NTN1: variants seen among roughly 807,000 people sequenced by gnomAD.
The protein encoded by NTN1 is netrin 1.
A neutral mutation model predicts 54.2 loss-of-function variants in NTN1; 11 were observed. The ratio of observed to expected loss-of-function variants is 0.20; its 90% CI spans 0.13 to 0.34. The LOEUF is 0.34. Among genes scored for constraint, NTN1 ranks in the 10% least tolerant of loss-of-function variants. NTN1 has a pLI of 1.00. For missense variants in NTN1, 740 were observed against 893.1 expected (o/e 0.83, Z 2.18); for synonymous variants, 371 against 382.0 (o/e 0.97, Z 0.33).
At chr17:9,160,297 G>T (rs2092353581) in intron 2 of NTN1, among the ~76,000 whole-genome samples, 1 of 152,012 alleles carries the variant, frequency 6.6e-6, no homozygotes, top group Admixed American at 6.6e-5. Flanking sequence ...TAGAGACGGG[G>T]TTTCACCATA....
At chr17:9,140,233 C>T (rs946073260) in intron 2 of NTN1, among the ~76,000 whole-genome samples, 4 of 151,982 alleles carry the variant, frequency 2.6e-5, no homozygotes, top group African/African-American at 9.7e-5. Context: ...CTCTGGGCCA[C>T]CAGGAAAGGT....
At chr17:9,088,548 G>A (rs529053927) in intron 2 of NTN1, among the ~76,000 whole-genome samples, 6 of 152,258 alleles carry the variant, frequency 3.9e-5, no homozygotes, top group East Asian at 1.9e-4. Context: ...TGCCACAGAC[G>A]GATGGGTGGA....
intron 2 of NTN1, among the ~76,000 whole-genome samples, chr17:9,109,700 C>T (rs1273282137): frequency 6.6e-6 from 1 of 152,078 alleles, no homozygotes; most frequent in African/African-American, 2.4e-5. Flanking sequence ...AATTGCTTTC[C>T]GAGGTGATTG....
chr17:9,063,640 C>T (rs994641547), intron 2 of NTN1, among the ~76,000 whole-genome samples: 7 of 152,024 alleles, frequency 4.6e-5, no homozygotes, highest in African/African-American at 7.2e-5. Context: ...CTCTGCCTCC[C>T]GGGTTCATGC....
chr17:9,239,985 G>GCCCGCCCGCCCGCCCGCCCGCT lies in NTN1; in HGVS notation c.*17_*18insCCCGCCCGCCCGCCCGCCCGCT. ...AAGGCCTAGCGCCGAGGCAGCGGGCGGGCGGGCGGGCGGGCGCCAGGGCGG... is the reference window on the plus strand; with the variant it reads ...AAGGCCTAGCGCCGAGGCAGCGGGCGCCCGCCCGCCCGCCCGCCCGCTGGCGGGCGGGCGGGCGCCAGGGCGG... On this transcript the variant is annotated 3_prime_UTR_variant, in exon 7 of 7. Coordinates refer to ENST00000173229, the MANE Select transcript of NTN1 (RefSeq NM_004822.3). This position sits in a 1 kb window ranked among gnomAD's most constrained non-coding sequence, Gnocchi z 5.2. 2 of 1,288,488 alleles carry GCCCGCCCGCCCGCCCGCCCGCT rather than the reference G, an allele frequency of 1.6e-6. No individual in the cohort carries two copies. The highest frequency in any genetic ancestry group is 2.0e-6 in the Non-Finnish European group (2 of 1,004,106). The allele number at this position is 1,288,488 out of a possible 1,614,324, so 79.8% of individuals were successfully genotyped here. A position where few individuals can be genotyped will look rare whatever the true frequency, so the allele number is the denominator to read the frequency against.
chr17:9,171,521 G>T (rs2092387096), intron 3 of NTN1: 1 of 152,242 alleles, frequency 6.6e-6, no homozygotes, highest in Non-Finnish European at 1.5e-5. Context: ...AGAAGAAAAA[G>T]GAAGATAATG....
At chr17:9,050,261 A>T (rs1465080550) in intron 2 of NTN1, among the ~76,000 whole-genome samples, 2 of 151,618 alleles carry the variant, frequency 1.3e-5, no homozygotes, top group Non-Finnish European at 2.9e-5. Context: ...AAATAAAAAA[A>T]AATAAAAATA....
chr17:9,101,308 TC>T (rs1439389903), intron 2 of NTN1, among the ~76,000 whole-genome samples: 5 of 150,594 alleles, frequency 3.3e-5, no homozygotes, highest in Non-Finnish European at 5.9e-5. Context: ...GGGAGTTGAT[TC>T]GTGAGACTCT....
In NTN1 at chr17:9,032,610, T is replaced by C. The variant is rs76720573; in HGVS notation, c.1018+9219T>C. 2.0e-4 allele frequency among the ~76,000 whole-genome samples: 30 copies of C among 152,306 alleles called. No homozygotes were observed. The East Asian group carries it at 5.6e-3, about 28-fold the overall frequency. ...TGGTGCAGAAAGTGCCGAACAAGAA[T>C]AGTTCCAATCCCAGCATGAAAAAGA... is the stretch of plus-strand genomic sequence containing the variant. On this transcript the variant is annotated intron_variant, in intron 2 of 6. Transcript: ENST00000173229.
At chr17:9,117,168 G>A (rs1055123453) in intron 2 of NTN1, among the ~76,000 whole-genome samples, 9 of 152,184 alleles carry the variant, frequency 5.9e-5, no homozygotes, top group African/African-American at 9.7e-5. Context: ...AGGAAACAGC[G>A]CGTGAATAGA....
At chr17:9,213,385 C>T (rs1905152817) in intron 5 of NTN1, among the ~76,000 whole-genome samples, 1 of 152,230 alleles carries the variant, frequency 6.6e-6, no homozygotes, top group East Asian at 1.9e-4. Flanking sequence ...ATCCTAGCTC[C>T]AGAGGCTCCC....
intron 5 of NTN1, among the ~76,000 whole-genome samples, chr17:9,203,324 C>T (rs1003322800): frequency 6.6e-6 from 1 of 152,168 alleles, no homozygotes; most frequent in Non-Finnish European, 1.5e-5. Context: ...CTGTTTGAAC[C>T]TCTTACTGCC....
chr17:9,198,629 C>T (rs774083472), intron 5 of NTN1, among the ~76,000 whole-genome samples: 2 of 152,128 alleles, frequency 1.3e-5, no homozygotes, highest in Non-Finnish European at 2.9e-5. Context: ...CTCTGAGGTC[C>T]CATGTCCTCC....
rs367619515 is a variant in NTN1, at chr17:9,221,113, A to G, written c.1412-55A>G. 11 of 1,134,020 alleles carry G rather than the reference A, an allele frequency of 9.7e-6. No homozygotes were observed. The highest frequency in any genetic ancestry group is 6.2e-5 in the African/African-American group (4 of 64,392). The allele number at this position is 1,134,020 out of a possible 1,614,324, so 70.2% of individuals were successfully genotyped here. ...GGCCTCCTACTCTGCCCGCCAGCCT[A>G]TTCATCGCCAGCCTAATTAGTTTTT... On this transcript the variant is annotated intron_variant, in intron 5 of 6. Coordinates refer to ENST00000173229, the MANE Select transcript of NTN1 (RefSeq NM_004822.3). The surrounding 1 kb of genome is among the most constrained non-coding windows in gnomAD (Gnocchi z 4.5).
At chr17:9,048,435 G>A (rs1051941161) in intron 2 of NTN1, among the ~76,000 whole-genome samples, 1 of 152,078 alleles carries the variant, frequency 6.6e-6, no homozygotes, top group African/African-American at 2.4e-5. Flanking sequence ...TAGGGCACAG[G>A]CAGAGTGGTT....
At position 9,241,519 on chromosome 17, in the gene NTN1, G is replaced by C. The variant is rs953687913; in HGVS notation, c.*1551G>C. On this transcript the variant is annotated 3_prime_UTR_variant, in exon 7 of 7. Transcript: ENST00000173229. The stretch of plus-strand genomic sequence containing the variant: ...CCCACATCCTCACACCCGGCGCACT[G>C]AATTAAGAGGCCTGGCTCCCCTCAC... The C allele has an allele frequency of 6.6e-6, 1 of 152,588 alleles. No homozygotes were observed. The highest frequency in any genetic ancestry group is 1.9e-4 in the East Asian group (1 of 5,196). 9.5% of individuals were successfully genotyped at this position (152,588 alleles called of 1,614,324 possible). A position where few individuals can be genotyped will look rare whatever the true frequency, so the allele number is the denominator to read the frequency against.
At chr17:9,231,300 G>T (rs1170090660) in intron 6 of NTN1, among the ~76,000 whole-genome samples, 1 of 152,106 alleles carries the variant, frequency 6.6e-6, no homozygotes, top group African/African-American at 2.4e-5. Flanking sequence ...GTACCCGGGG[G>T]GGGACCCCAG....
At chr17:9,074,347 C>G (rs547655777) in intron 2 of NTN1, among the ~76,000 whole-genome samples, 2 of 152,210 alleles carry the variant, frequency 1.3e-5, no homozygotes, top group Non-Finnish European at 2.9e-5. Context: ...TCTCTCTGCG[C>G]GTGGCCTTGG....
chr17:9,243,167 T>C lies in NTN1; in HGVS notation c.*3199T>C, dbSNP rs1460161454. ...AGGGCTGTCCCCGGGATTCACCTGC[T>C]GGCTGTGGTCTCTGCCCACTGCTTC... On this transcript the variant is annotated 3_prime_UTR_variant, in exon 7 of 7. Coordinates refer to ENST00000173229, the MANE Select transcript of NTN1 (RefSeq NM_004822.3). The C allele has an allele frequency of 6.6e-6, 1 of 152,202 alleles. No individual in the cohort carries two copies. Among genetic ancestry groups the C allele is most frequent in the Admixed American group, 6.5e-5 (1 of 15,288 alleles). The allele number at this position is 152,202 out of a possible 1,614,324, so 9.4% of individuals were successfully genotyped here.
Sources: allele counts gnomAD v4.1 joint callset (sites outside exome capture counted in the v4.1 genomes callset), GRCh38; gene constraint gnomAD v4.1.1; non-coding constraint Gnocchi (gnomAD v3.1); transcripts MANE v1.5; gene names NCBI Gene and HGNC (gene_info 2026-07-23, HGNC 2026-07-21).